Variants in AUH observed in about 807,000 individuals in gnomAD.
AUH encodes the protein methylglutaconyl-CoA hydratase, mitochondrial.
A neutral mutation model predicts 42.3 loss-of-function variants in AUH; 29 were observed. The observed-to-expected ratio is 0.69, with a 90% confidence interval of 0.51 to 0.93. AUH has a LOEUF of 0.93. Ranked by LOEUF, AUH falls within the 40% of genes least tolerant of loss-of-function variation. The probability of loss-of-function intolerance (pLI) is 0.00; values close to 1 mark genes in which losing one functional copy is unlikely to be tolerated. For missense variants in AUH, 452 were observed against 438.1 expected (o/e 1.03, Z -0.28); for synonymous variants, 174 against 166.4 (o/e 1.05, Z -0.35).
intron 6 of AUH, among the ~76,000 whole-genome samples, chr9:91,288,238 T>C (rs977513588): frequency 1.2e-4 from 19 of 152,170 alleles, no homozygotes; most frequent in Non-Finnish European, 2.8e-4. Context: ...AATCTGCCAC[T>C]ATTTTCTCTG....
chr9:91,331,925 A>T (rs1031298933), intron 3 of AUH, among the ~76,000 whole-genome samples: 1 of 152,210 alleles, frequency 6.6e-6, no homozygotes, highest in African/African-American at 2.4e-5. Flanking sequence ...AAAAGGCTCC[A>T]CAGTGGGTGT....
rs565953553 is a variant in AUH, at chr9:91,313,618, T to C, written c.505+11700A>G. Among the ~76,000 whole-genome samples, 25 of 143,208 alleles carry C rather than the reference T, an allele frequency of 1.7e-4. No homozygotes were observed. In the East Asian group the frequency reaches 4.7e-3, roughly 27 times the overall value. The allele number at this position is 143,208 out of a possible 152,430, so 94.0% of individuals were successfully genotyped here. A position where few individuals can be genotyped will look rare whatever the true frequency, so the allele number is the denominator to read the frequency against. On this transcript the variant is annotated intron_variant, in intron 4 of 9. Coordinates refer to ENST00000375731, the MANE Select transcript of AUH (RefSeq NM_001698.3). ...TACTTGGGAGGCTGAGGCAGGAGAA[T>C]GGCGTGAACCCGGGAGGCGGAGCTT...
chr9:91,265,641 T>C (rs947608436), intron 6 of AUH, among the ~76,000 whole-genome samples: 1 of 152,184 alleles, frequency 6.6e-6, no homozygotes, highest in African/African-American at 2.4e-5. Context: ...TTACTTGATA[T>C]GAACAGAAAA....
chr9:91,303,856 C>T (rs1284672972), intron 4 of AUH, among the ~76,000 whole-genome samples: 1 of 152,168 alleles, frequency 6.6e-6, no homozygotes, highest in African/African-American at 2.4e-5. Context: ...GTATATTCTC[C>T]CATTCCCATC....
chr9:91,345,600 G>A (rs1321033926), intron 3 of AUH, among the ~76,000 whole-genome samples: 4 of 152,104 alleles, frequency 2.6e-5, no homozygotes, highest in African/African-American at 4.8e-5. Flanking sequence ...TTGGGAGGCC[G>A]AGGCAGGTGG....
rs1265337070 is a variant in AUH at position 91,361,905 on chromosome 9, C to T, written c.-16G>A. 5 of 1,410,502 alleles carry T rather than the reference C, an allele frequency of 3.5e-6. No homozygotes were observed. The African/African-American group carries it at 7.5e-5, about 21-fold the overall frequency. The allele number at this position is 1,410,502 out of a possible 1,614,324, so 87.4% of individuals were successfully genotyped here. A position where few individuals can be genotyped will look rare whatever the true frequency, so the allele number is the denominator to read the frequency against. Reference sequence around the variant, plus strand: ...CGGCCGCCATGTTGTCTGTTTACGGCGTGGACCTGCGACGGCCGCTCCGCC... The same window carrying T: ...CGGCCGCCATGTTGTCTGTTTACGGTGTGGACCTGCGACGGCCGCTCCGCC... On this transcript the variant is annotated 5_prime_UTR_variant, in exon 1 of 10. Transcript: ENST00000375731.
intron 6 of AUH, among the ~76,000 whole-genome samples, chr9:91,238,667 A>C (rs1482385479): frequency 6.6e-6 from 1 of 152,228 alleles, no homozygotes; most frequent in African/African-American, 2.4e-5. Context: ...TCCTTCATTT[A>C]ATCTTTTTGA....
intron 6 of AUH, among the ~76,000 whole-genome samples, chr9:91,225,950 T>C (rs575039127): frequency 6.0e-5 from 9 of 150,090 alleles, no homozygotes; most frequent in Admixed American, 2.7e-4. Flanking sequence ...CAGTCTATCA[T>C]TGTTGGACAT....
At chr9:91,268,657 T>C (rs2131492651) in intron 6 of AUH, among the ~76,000 whole-genome samples, 1 of 152,296 alleles carries the variant, frequency 6.6e-6, no homozygotes, top group South Asian at 2.1e-4. Context: ...CTCAAACTCC[T>C]GAGCTCAGGC....
chr9:91,277,496 G>C (rs369208202), intron 6 of AUH, among the ~76,000 whole-genome samples: 1 of 152,222 alleles, frequency 6.6e-6, no homozygotes, highest in East Asian at 1.9e-4. Context: ...AGTTGTAAGT[G>C]AAAAGGAAAG....
intron 6 of AUH, among the ~76,000 whole-genome samples, chr9:91,259,485 T>C (rs924701313): frequency 6.6e-6 from 1 of 152,116 alleles, no homozygotes; most frequent in Non-Finnish European, 1.5e-5. Context: ...GATTGTTCTC[T>C]ATTTGTGCAT....
At chr9:91,326,716 C>A (rs1430499291) in intron 3 of AUH, among the ~76,000 whole-genome samples, 1 of 152,086 alleles carries the variant, frequency 6.6e-6, no homozygotes, top group African/African-American at 2.4e-5. Flanking sequence ...ACACAGAGGA[C>A]TTCAATTTTA....
intron 6 of AUH, among the ~76,000 whole-genome samples, chr9:91,265,680 C>T (rs1013421572): frequency 1.3e-5 from 2 of 152,196 alleles, no homozygotes; most frequent in African/African-American, 4.8e-5. Flanking sequence ...GTAGACTCCA[C>T]AGAATGAGAA....
intron 4 of AUH, among the ~76,000 whole-genome samples, chr9:91,314,924 A>G (rs1391703433): frequency 6.6e-6 from 1 of 152,122 alleles, no homozygotes; most frequent in African/African-American, 2.4e-5. Flanking sequence ...TTTTCGTGTC[A>G]TCTGCTTCTT....
intron 4 of AUH, among the ~76,000 whole-genome samples, chr9:91,314,909 A>G (rs1322495061): frequency 1.3e-5 from 2 of 152,178 alleles, no homozygotes; most frequent in Non-Finnish European, 2.9e-5. Context: ...AGGCGCAATG[A>G]GAGTTTTTCG....
intron 6 of AUH, among the ~76,000 whole-genome samples, chr9:91,264,340 T>C (rs1445299809): frequency 2.0e-5 from 3 of 152,154 alleles, no homozygotes; most frequent in Non-Finnish European, 4.4e-5. Flanking sequence ...GAGTGGAGGT[T>C]CTCCTAGGAT....
chr9:91,227,526 T>C lies in AUH; in HGVS notation c.656-6534A>G, dbSNP rs1287966364. The stretch of plus-strand genomic sequence containing the variant: ...GGGACAATTTGACTTCCTCTTTTCC[T>C]AATTGAATACCCTTTATTTCCTTCT... On this transcript the variant is annotated intron_variant, in intron 6 of 9. Coordinates refer to ENST00000375731, the MANE Select transcript of AUH (RefSeq NM_001698.3). Among the ~76,000 whole-genome samples the C allele has an allele frequency of 2.0e-4, 25 of 125,936 alleles. No homozygotes were observed. In the Admixed American group the frequency reaches 2.2e-3, roughly 11 times the overall value. The allele number at this position is 125,936 out of a possible 152,430, so 82.6% of individuals were successfully genotyped here. A position where few individuals can be genotyped will look rare whatever the true frequency, so the allele number is the denominator to read the frequency against.
chr9:91,322,462 C>T (rs1301764687), intron 4 of AUH, among the ~76,000 whole-genome samples: 1 of 152,084 alleles, frequency 6.6e-6, no homozygotes, highest in African/African-American at 2.4e-5. Context: ...TAAAACAATA[C>T]CAGCACAGAA....
chr9:91,355,987 A>C lies in AUH; in HGVS notation c.331-17T>G. 1.2e-6 allele frequency: 2 copies of C among 1,607,166 alleles called. No homozygotes were observed. Among genetic ancestry groups the C allele is most frequent in the Non-Finnish European group, 1.7e-6 (2 of 1,174,096 alleles). Reference sequence around the variant, plus strand: ...TTTTGATAGCTAAACAGAAATAGGAAGCATAGGAGGAAAAAGAGAAAAAAA... The same window carrying C: ...TTTTGATAGCTAAACAGAAATAGGACGCATAGGAGGAAAAAGAGAAAAAAA... On this transcript the variant is annotated splice_polypyrimidine_tract_variant and intron_variant, in intron 2 of 9. Transcript: ENST00000375731.
Sources: gnomAD v4.1 joint callset for allele counts (sites outside exome capture counted in the v4.1 genomes callset) on GRCh38, gnomAD v4.1.1 for gene constraint, MANE v1.5 for transcripts, NCBI Gene and HGNC (gene_info 2026-07-23, HGNC 2026-07-21) for gene names.